Variants in ZNF569 observed in about 807,000 individuals in gnomAD.
ZNF569 encodes the protein zinc finger protein 569.
Under a neutral mutation model 56.3 loss-of-function variants are expected in ZNF569, and 38 were observed. The ratio of observed to expected loss-of-function variants is 0.68; its 90% CI spans 0.52 to 0.88. ZNF569 has a LOEUF of 0.88. ZNF569 is among the 40% of genes least tolerant of loss of function. The pLI is 0.00. For synonymous variants in ZNF569, 241 were observed against 262.9 expected (o/e 0.92, Z 0.81); for missense variants, 666 against 809.2 (o/e 0.82, Z 2.15).
intron 3 of ZNF569, among the ~76,000 whole-genome samples, chr19:37,442,024 C>A (rs2041415516): frequency 6.6e-6 from 1 of 152,280 alleles, no homozygotes; most frequent in Non-Finnish European, 1.5e-5. Context: ...AATCAGACTG[C>A]ATTAAAATTA....
At chr19:37,448,246 T>G (rs2055009129) in intron 2 of ZNF569, among the ~76,000 whole-genome samples, 1 of 152,190 alleles carries the variant, frequency 6.6e-6, no homozygotes, top group South Asian at 2.1e-4. Flanking sequence ...CAAATTCAAT[T>G]TCATTAATAG....
In ZNF569 at chr19:37,446,549, C is replaced by CA. The variant is rs74174464; in HGVS notation, c.-43-1586dup. On this transcript the variant is annotated intron_variant, in intron 2 of 5. Transcript: ENST00000316950. ...TGGGCAACAGAGCGCGACTCCATCT[C>CA]AAAAAAAAAAAAAAAAAAAAGAATG... Among the ~76,000 whole-genome samples the CA allele has an allele frequency of 9.8e-3, 593 of 60,242 alleles. 7 individuals carry two copies. The highest frequency in any genetic ancestry group is 0.038 in the South Asian group (54 of 1,414). The allele number at this position is 60,242 out of a possible 152,430, so 39.5% of individuals were successfully genotyped here.
chr19:37,450,488 A>C (rs1378759157), intron 2 of ZNF569, among the ~76,000 whole-genome samples: 1 of 152,130 alleles, frequency 6.6e-6, no homozygotes, highest in Non-Finnish European at 1.5e-5. Context: ...CTGTGGCATC[A>C]GTTGTATTGT....
At chr19:37,453,766 A>C (rs1255815862) in intron 2 of ZNF569, among the ~76,000 whole-genome samples, 1 of 152,154 alleles carries the variant, frequency 6.6e-6, no homozygotes, top group Non-Finnish European at 1.5e-5. Flanking sequence ...GCCATCATTT[A>C]TTTAAATACT....
chr19:37,425,035 C>T (rs188980958), intron 5 of ZNF569, among the ~76,000 whole-genome samples: 81 of 151,684 alleles, frequency 5.3e-4, no homozygotes, highest in Admixed American at 4.5e-3. Context: ...AGGAAAATCA[C>T]TTGAACCTGG....
intron 3 of ZNF569, among the ~76,000 whole-genome samples, chr19:37,436,674 T>A (rs1360582618): frequency 1.3e-5 from 2 of 152,016 alleles, no homozygotes; most frequent in Non-Finnish European, 2.9e-5. Flanking sequence ...CAAAGGATCA[T>A]TAGAAGCTAC....
At position 37,413,098 on chromosome 19, in the gene ZNF569, T is replaced by C. The variant is rs1262036652; in HGVS notation, c.1560A>G (p.Lys520=). The part of the protein sequence containing the change: ...ITHQKVHTGE[K]PYDCNECGKA... ...TACCACATTCATTACAATCATAAGG[T>C]TTCTCTCCAGTATGAACTTTTTGAT... Residue 520 remains lysine, a synonymous_variant, in exon 6 of 6, where the codon AAA becomes AAG. Transcript: ENST00000316950. 5.0e-6 allele frequency: 8 copies of C among 1,613,412 alleles called. No individual in the cohort carries two copies. Among genetic ancestry groups the C allele is most frequent in the African/African-American group, 1.3e-5 (1 of 74,896 alleles).
intron 3 of ZNF569, among the ~76,000 whole-genome samples, chr19:37,439,164 G>A (rs988603327): frequency 1.3e-5 from 2 of 152,234 alleles, no homozygotes; most frequent in Middle Eastern, 3.4e-3. Context: ...TCCGCCTCCC[G>A]GGTTCAAGCG....
chr19:37,448,492 C>G (rs750281555), intron 2 of ZNF569, among the ~76,000 whole-genome samples: 4 of 150,538 alleles, frequency 2.7e-5, no homozygotes, highest in African/African-American at 4.9e-5. Flanking sequence ...AAAGAACAAG[C>G]CTTTAGTTCA....
Position 37,414,265 on chromosome 19 carries a change from A to G in ZNF569, c.393T>C (p.Pro131=), listed in dbSNP as rs755930620. The change falls in exon 6 of 6, where the codon CCT becomes CCC. Residue 131 remains proline (P), a synonymous_variant. Transcript: ENST00000316950. ...NVFPLNSDFF[P]SRHNLYEYDL... The stretch of plus-strand genomic sequence containing the variant: ...CATACTCATAGAGATTGTGTCTGGA[A>G]GGGAAAAAATCAGAGTTCAGAGGAA... 1.1e-5 allele frequency: 17 copies of G among 1,613,552 alleles called. No individual in the cohort carries two copies. The highest frequency in any genetic ancestry group is 1.4e-5 in the Non-Finnish European group (17 of 1,179,814).
chr19:37,443,572 G>C (rs2041443990), intron 3 of ZNF569, among the ~76,000 whole-genome samples: 2 of 152,006 alleles, frequency 1.3e-5, no homozygotes, highest in South Asian at 4.1e-4. Flanking sequence ...ACATTCTAGT[G>C]GTTAAAATTT....
At chr19:37,433,615 G>C (rs1278275186) in intron 3 of ZNF569, among the ~76,000 whole-genome samples, 1 of 152,096 alleles carries the variant, frequency 6.6e-6, no homozygotes, top group Non-Finnish European at 1.5e-5. Context: ...CAAGAGAAAA[G>C]AAACAACATA....
chr19:37,467,755 A>T, upstream of ZNF569: 1 of 812,350 alleles, frequency 1.2e-6, no homozygotes, highest in Non-Finnish European at 2.0e-6. Flanking sequence ...TGGAATTTGG[A>T]GTGGGGTTTC....
rs188440465 is a variant in ZNF569, at chr19:37,428,766, C to T, written c.16-2388G>A. Reference sequence around the variant, plus strand: ...GTTGGCTCTCTACAACCTCCGTCTCCTGGATTCAAGTGATTCTCCTGCCTC... The same window carrying T: ...GTTGGCTCTCTACAACCTCCGTCTCTTGGATTCAAGTGATTCTCCTGCCTC... On this transcript the variant is annotated intron_variant, in intron 3 of 5. Coordinates refer to ENST00000316950, the MANE Select transcript of ZNF569 (RefSeq NM_152484.3). 3.8e-3 allele frequency among the ~76,000 whole-genome samples: 575 copies of T among 151,658 alleles called. 5 individuals carry two copies. Among genetic ancestry groups the T allele is most frequent in the African/African-American group, 0.013 (550 of 41,324 alleles).
At chr19:37,461,512 G>C (rs560058371) in intron 2 of ZNF569, among the ~76,000 whole-genome samples, 1 of 151,910 alleles carries the variant, frequency 6.6e-6, no homozygotes, top group African/African-American at 2.4e-5. Flanking sequence ...TCACCATGTT[G>C]GTCAGGATGG....
intron 3 of ZNF569, among the ~76,000 whole-genome samples, chr19:37,442,148 G>C (rs959586070): frequency 6.6e-6 from 1 of 152,152 alleles, no homozygotes; most frequent in Non-Finnish European, 1.5e-5. Context: ...GAAAACATAA[G>C]CAAGTGAATA....
At chr19:37,465,078 G>A (rs2041809935) in intron 2 of ZNF569, among the ~76,000 whole-genome samples, 1 of 152,100 alleles carries the variant, frequency 6.6e-6, no homozygotes, top group African/African-American at 2.4e-5. Context: ...CAGGCATGTT[G>A]CCACTTCAGA....
intron 2 of ZNF569, among the ~76,000 whole-genome samples, chr19:37,460,385 C>T (rs185114018): frequency 1.1e-3 from 167 of 152,182 alleles, no homozygotes; most frequent in African/African-American, 3.5e-3. Flanking sequence ...TCAGGTGATT[C>T]GCCTGCCTTG....
chr19:37,468,886 C>CA, upstream of ZNF569: 2 of 241,374 alleles, frequency 8.3e-6, no homozygotes, highest in Non-Finnish European at 1.3e-5. Context: ...CCCCGCTCCC[C>CA]TCCCAATTTT....
Sources: gnomAD v4.1 joint callset for allele counts (sites outside exome capture counted in the v4.1 genomes callset) on GRCh38, gnomAD v4.1.1 for gene constraint, MANE v1.5 for transcripts, NCBI Gene and HGNC (gene_info 2026-07-23, HGNC 2026-07-21) for gene names.